Variants in KPNA7 observed in about 807,000 individuals in gnomAD.
KPNA7 encodes karyopherin subunit alpha 7, also known as importin subunit alpha-8.
A neutral mutation model predicts 53.7 loss-of-function variants in KPNA7; 54 were observed. That is an observed-to-expected ratio of 1.01 (90% confidence interval 0.81 to 1.26). The LOEUF (loss-of-function observed/expected upper bound fraction) is 1.26, where lower values mean the gene tolerates loss of function less well. KPNA7 is among the 50% of genes most tolerant of loss of function. The pLI is 0.00. For missense variants in KPNA7, 640 were observed against 644.5 expected (o/e 0.99, Z 0.07); for synonymous variants, 276 against 259.3 (o/e 1.06, Z -0.62).
At chr7:99,183,589 C>G (rs1375274002) in intron 8 of KPNA7, among the ~76,000 whole-genome samples, 2 of 152,100 alleles carry the variant, frequency 1.3e-5, no homozygotes, top group African/African-American at 4.8e-5. Flanking sequence ...CACACCTGGT[C>G]TTTCTCTCTT....
intron 10 of KPNA7, 32 bp from the exon 11 acceptor site, chr7:99,173,826 C>T (rs1473785688): frequency 7.8e-7 from 1 of 1,278,542 alleles, no homozygotes; most frequent in Non-Finnish European, 1.1e-6. Flanking sequence ...GTTATACCTC[C>T]AGGATTCTCA....
chr7:99,157,370 C>T, the KPNA7 span, among the ~76,000 whole-genome samples: 5 of 152,020 alleles, frequency 3.3e-5, no homozygotes, highest in African/African-American at 7.2e-5. Flanking sequence ...CCACCACACC[C>T]GGCTAATTTT....
At position 99,173,791 on chromosome 7, in the gene KPNA7, C is replaced by T. The variant is rs1280310680; in HGVS notation, c.1468G>A (p.Glu490Lys). The change falls in exon 11 of 11, where the codon GAA (glutamate) becomes AAA (lysine). Residue 490 changes from glutamate to lysine, a missense_variant. Coordinates refer to ENST00000327442, the MANE Select transcript of KPNA7 (RefSeq NM_001145715.3). ...NIIEKHFGEE[E>K]DESQTLLSQV... is the part of the protein sequence containing the mutation. ...CTCAGTAAAGTTTGGCTCTCATCTT[C>T]TTCCTTCAGGAGAGAATAGACACTG... 3 of 1,538,830 alleles carry T rather than the reference C, an allele frequency of 1.9e-6. No homozygotes were observed. The highest frequency in any genetic ancestry group is 1.2e-5 in the South Asian group (1 of 83,628).
chr7:99,203,974 G>A (rs1317247796), intron 2 of KPNA7, among the ~76,000 whole-genome samples: 1 of 152,116 alleles, frequency 6.6e-6, no homozygotes, highest in African/African-American at 2.4e-5. Flanking sequence ...GTCTCCCAAA[G>A]TGCTGAGAAT....
chr7:99,172,191 T>C (rs1798782446), downstream of KPNA7, among the ~76,000 whole-genome samples: 1 of 152,224 alleles, frequency 6.6e-6, no homozygotes, highest in South Asian at 2.1e-4. Flanking sequence ...ATCTCTTCTG[T>C]AAATTCGAAC....
intron 9 of KPNA7, among the ~76,000 whole-genome samples, chr7:99,180,509 C>CTCTCTCTCTGTGTCTCTA (rs1387844811): frequency 3.4e-5 from 5 of 147,216 alleles, no homozygotes; most frequent in Non-Finnish European, 4.6e-5. Flanking sequence ...GTCTGTCTCT[C>CTCTCTCTCTGTGTCTCTA]TCTCTCTGTG....
chr7:99,161,230 TC>T, the KPNA7 span, among the ~76,000 whole-genome samples: 6 of 1,672 alleles, frequency 3.6e-3, no homozygotes. Context: ...AAACTCTCTC[TC>T]TCTCTCTCTC....
the KPNA7 span, among the ~76,000 whole-genome samples, chr7:99,150,541 A>C: frequency 2.0e-5 from 3 of 151,110 alleles, no homozygotes; most frequent in Non-Finnish European, 4.4e-5. Flanking sequence ...CAGCCTCCCG[A>C]GTAGTTGGGA....
At chr7:99,177,165 G>A (rs78305796) in intron 10 of KPNA7, among the ~76,000 whole-genome samples, 1,741 of 152,262 alleles carry the variant, frequency 0.011, 35 homozygotes, top group African/African-American at 0.04. Flanking sequence ...GAGGTCCCTA[G>A]AATAGTCAAA....
In KPNA7 at chr7:99,195,350, AAG is replaced by A. The variant is rs1416989862; in HGVS notation, c.285-14_285-13del. 4 of 1,549,554 alleles carry A rather than the reference AAG, an allele frequency of 2.6e-6. No individual in the cohort carries two copies. Among genetic ancestry groups the A allele is most frequent in the Admixed American group, 2.0e-5 (1 of 50,894 alleles). On this transcript the variant is annotated splice_polypyrimidine_tract_variant and intron_variant, in intron 4 of 10. Transcript: ENST00000327442. ...GGGATAGCATTTTCCTATGCAATGA[AAG>A]AGAGGGCAGGGGAGGGGGAGGTCAA...
intron 9 of KPNA7, among the ~76,000 whole-genome samples, chr7:99,180,769 G>C (rs916230046): frequency 2.0e-5 from 1 of 49,718 alleles, no homozygotes; most frequent in Non-Finnish European, 3.8e-5. Context: ...CCCCGTCTGT[G>C]TCTCTCTCTC....
At position 99,193,076 on chromosome 7, in the gene KPNA7, G is replaced by A. The variant is rs7783618; in HGVS notation, c.579C>T (p.Asn193=). The change falls in exon 6 of 11, where the codon AAC becomes AAT. Residue 193 remains asparagine, a synonymous_variant. Transcript: ENST00000327442. The part of the protein sequence containing the change: ...IAGDGPEFRD[N]VITSNAIPHL... ...GTGGGATGGCATTGCTTGTGATGAC[G>A]TTATCTCTGAACTCTGGGCCATCAC... is the stretch of plus-strand genomic sequence containing the variant. The A allele has an allele frequency of 0.076, 114,396 of 1,500,280 alleles. 4,867 individuals carry two copies. The highest frequency in any genetic ancestry group is 0.13 in the South Asian group (9,328 of 74,312). 92.9% of individuals were successfully genotyped at this position (1,500,280 alleles called of 1,614,324 possible). A position where few individuals can be genotyped will look rare whatever the true frequency, so the allele number is the denominator to read the frequency against.
chr7:99,179,045 G>A (rs962404868), intron 9 of KPNA7, among the ~76,000 whole-genome samples: 10 of 152,006 alleles, frequency 6.6e-5, no homozygotes, highest in Non-Finnish European at 1.5e-4. Flanking sequence ...CCAAAGTGCT[G>A]GGATTACAAG....
At chr7:99,209,757 C>T (rs1791009553), upstream of KPNA7, among the ~76,000 whole-genome samples, 1 of 144,746 alleles carries the variant, frequency 6.9e-6, no homozygotes, top group African/African-American at 2.5e-5. Flanking sequence ...CCTGTAATCT[C>T]AACAACTTGA....
At chr7:99,188,246 T>C in intron 7 of KPNA7, 54 bp downstream of exon 7, 2 of 1,447,842 alleles carry the variant, frequency 1.4e-6, no homozygotes, top group South Asian at 1.2e-5. Flanking sequence ...CAGAACCTGC[T>C]AAAGTGACTA....
rs111393769 is a variant in KPNA7 at position 99,201,662 on chromosome 7, C to CAAAAAA, written c.201+1438_201+1443dup. On this transcript the variant is annotated intron_variant, in intron 3 of 10. Transcript: ENST00000327442. ...TGGGCGACAGAGTGAGACTCTGTCT[C>CAAAAAA]AAAAAAAAAAAGCTAATATGGGACC... Among the ~76,000 whole-genome samples the CAAAAAA allele has an allele frequency of 4.2e-4, 52 of 122,950 alleles. 1 individual carries two copies. In the South Asian group the frequency reaches 8.1e-3, roughly 19 times the overall value. The allele number at this position is 122,950 out of a possible 152,430, so 80.7% of individuals were successfully genotyped here.
At chr7:99,175,289 C>T (rs1279889696) in intron 10 of KPNA7, among the ~76,000 whole-genome samples, 1 of 151,978 alleles carries the variant, frequency 6.6e-6, no homozygotes, top group Non-Finnish European at 1.5e-5. Flanking sequence ...GCAATCCTCC[C>T]ACTGTAGCCT....
At chr7:99,189,097 T>C (rs144881967) in intron 6 of KPNA7, among the ~76,000 whole-genome samples, 2 of 152,312 alleles carry the variant, frequency 1.3e-5, no homozygotes, top group African/African-American at 2.4e-5. Context: ...TTCCTTTGTC[T>C]TTCAAAATGT....
At chr7:99,160,941 A>C in the KPNA7 span, among the ~76,000 whole-genome samples, 1 of 151,780 alleles carries the variant, frequency 6.6e-6, no homozygotes, top group South Asian at 2.1e-4. Context: ...ATGTCAGCTC[A>C]CTGCAACCTC....
Sources: gnomAD v4.1 joint callset for allele counts (sites outside exome capture counted in the v4.1 genomes callset) on GRCh38, gnomAD v4.1.1 for gene constraint, MANE v1.5 for transcripts, NCBI Gene and HGNC (gene_info 2026-07-23, HGNC 2026-07-21) for gene names.